The following VWA5B2 variants were observed in gnomAD, a reference collection of about 807,000 sequenced individuals.
VWA5B2 encodes the protein von Willebrand factor A domain-containing protein 5B2.
In VWA5B2, 93 loss-of-function variants were observed where a neutral mutation model predicts 118.5. That is an observed-to-expected ratio of 0.79 (90% CI 0.66 to 0.93). The LOEUF is 0.93. Among genes scored for constraint, VWA5B2 ranks in the 40% least tolerant of loss-of-function variants. VWA5B2 has a pLI of 0.00. For missense variants in VWA5B2, 1,546 were observed against 1,672.8 expected, an observed-to-expected ratio of 0.92 and a Z score of 1.32; for synonymous variants, 708 against 716.3, an observed-to-expected ratio of 0.99 and a Z score of 0.19.
intron 7 of VWA5B2, 102 bp from the exon 8 acceptor site, chr3:184,235,051 G>A: frequency 7.2e-7 from 1 of 1,384,706 alleles, no homozygotes. Context: ...GTCCCCTCTG[G>A]GTGGATCAGA....
At position 184,240,943 on chromosome 3, in the gene VWA5B2, T is replaced by C. The variant is rs1345192943; in HGVS notation, c.2878+15T>C. The C allele has an allele frequency of 1.0e-5, 16 of 1,551,426 alleles. No homozygotes were observed. The highest frequency in any genetic ancestry group is 1.4e-5 in the Non-Finnish European group (16 of 1,146,944). ...GTGCAGCTCAGGTAGGGGCCTCTTC[T>C]GGTGACCTCTCAGGTGCAGCTCTCA... On this transcript the variant is annotated intron_variant, in intron 17 of 19. Transcript: ENST00000691901.
chr3:184,233,450 T>G lies in VWA5B2; in HGVS notation c.530+53T>G, dbSNP rs1407445914. ...CCTCCCTCGGCTTCTCTGGGTCTAG[T>G]GCGGGTGAGGGGGCACTGGCAGGGT... On this transcript the variant is annotated intron_variant, in intron 4 of 19. Coordinates refer to ENST00000691901, the MANE Select transcript of VWA5B2 (RefSeq NM_001390846.1). This position sits in a 1 kb window ranked among gnomAD's most constrained non-coding sequence, Gnocchi z 5.2. The G allele has an allele frequency of 6.7e-7, 1 of 1,500,422 alleles. No homozygotes were observed. The highest frequency in any genetic ancestry group is 2.5e-5 in the East Asian group (1 of 40,500). The allele number at this position is 1,500,422 out of a possible 1,614,324, so 92.9% of individuals were successfully genotyped here.
chr3:184,240,170 A>G (rs1257127051), intron 16 of VWA5B2, 134 bp downstream of exon 16: 1 of 716,328 alleles, frequency 1.4e-6, no homozygotes, highest in Non-Finnish European at 2.2e-6. Context: ...CAGACAAGAT[A>G]AAAAATTAAG....
chr3:184,230,072 C>A (rs1396906619), intron 1 of VWA5B2, among the ~76,000 whole-genome samples: 1 of 152,136 alleles, frequency 6.6e-6, no homozygotes, highest in Admixed American at 6.5e-5. Flanking sequence ...CGGGGGGATT[C>A]GGGCCCTTTA....
In VWA5B2 at chr3:184,241,316, T is replaced by C; in HGVS notation, c.3092T>C (p.Leu1031Pro). The change falls in exon 19 of 20, where the codon CTC becomes CCC. Residue 1031 changes from leucine (L) to proline (P), a missense_variant. Physicochemically the swap from Leu to Pro is moderately conservative, Grantham distance 98. This residue lies in a region of VWA5B2 where 763 missense variants were observed against 766.6 expected (regional missense o/e 1.00). Transcript: ENST00000691901. The surrounding 1 kb of genome is among the most constrained non-coding windows in gnomAD (Gnocchi z 5.1). ...RRPPPRPPCR[L>P]SMGRRHKLCS... ...CCACCTCCCCGTCCTCCCTGTCGGC[T>C]CAGCATGGGCCGCCGTCACAAACTC... 6.4e-7 allele frequency: 1 copy of C among 1,551,274 alleles called. No individual in the cohort carries two copies. The highest frequency in any genetic ancestry group is 8.7e-7 in the Non-Finnish European group (1 of 1,146,980).
In VWA5B2 at chr3:184,239,599, G is replaced by A; in HGVS notation, c.2392+16G>A. 6.7e-7 allele frequency: 1 copy of A among 1,497,632 alleles called. No homozygotes were observed. The highest frequency in any genetic ancestry group is 2.5e-5 in the East Asian group (1 of 39,938). 92.8% of individuals were successfully genotyped at this position (1,497,632 alleles called of 1,614,324 possible). ...GATGACTCAGGTAAGTGTTGGATGG[G>A]GAGCTGGTTTCCCTGACACCAAAGA... On this transcript the variant is annotated intron_variant, in intron 15 of 19. Coordinates refer to ENST00000691901, the MANE Select transcript of VWA5B2 (RefSeq NM_001390846.1). The surrounding 1 kb of genome is among the most constrained non-coding windows in gnomAD (Gnocchi z 5.1).
intron 16 of VWA5B2, among the ~76,000 whole-genome samples, chr3:184,240,261 T>A (rs911378197): frequency 6.6e-6 from 1 of 152,234 alleles, no homozygotes; most frequent in African/African-American, 2.4e-5. Context: ...GGTTATATAC[T>A]CTTGCAAGGA....
At position 184,237,321 on chromosome 3, in the gene VWA5B2, C is replaced by G; in HGVS notation, c.1629C>G (p.Pro543=). Residue 543 remains proline, a synonymous_variant, in exon 12 of 20, where the codon CCC becomes CCG. Coordinates refer to ENST00000691901, the MANE Select transcript of VWA5B2 (RefSeq NM_001390846.1). This position sits in a 1 kb window ranked among gnomAD's most constrained non-coding sequence, Gnocchi z 5.6. ...ACACTGTGGAGGCACTGCTGACCCC[C>G]CGGGAGATCCCAGCACTCTACCCTG... is the stretch of plus-strand genomic sequence containing the variant. ...VPDTVEALLT[P]REIPALYPGD... is the part of the protein sequence containing the mutation. 1.0e-5 allele frequency: 16 copies of G among 1,551,232 alleles called. No individual in the cohort carries two copies. Among genetic ancestry groups the G allele is most frequent in the Non-Finnish European group, 1.4e-5 (16 of 1,146,950 alleles).
intron 16 of VWA5B2, 139 bp downstream of exon 16, chr3:184,240,175 A>G (rs1030056957): frequency 1.5e-6 from 1 of 683,696 alleles, no homozygotes; most frequent in Non-Finnish European, 2.3e-6. Flanking sequence ...AAGATAAAAA[A>G]TTAAGCGGGA....
chr3:184,236,792 T>C, intron 11 of VWA5B2, 43 bp downstream of exon 11: 1 of 1,434,462 alleles, frequency 7.0e-7, no homozygotes, highest in Non-Finnish European at 9.3e-7. Context: ...CTGGAAGTTT[T>C]TCTCCCAAGT....
At chr3:184,240,991 C>A (rs1393789800) in intron 17 of VWA5B2, 33 bp from the exon 18 acceptor site, 3 of 1,551,588 alleles carry the variant, frequency 1.9e-6, no homozygotes, top group Admixed American at 3.9e-5. Context: ...CTCTCCTGGA[C>A]AAACCTGACT....
Position 184,236,490 on chromosome 3 carries a change from C to T in VWA5B2, c.1360C>T (p.Pro454Ser). 1.3e-6 allele frequency: 2 copies of T among 1,547,540 alleles called. No homozygotes were observed. The highest frequency in any genetic ancestry group is 1.7e-6 in the Non-Finnish European group (2 of 1,146,964). ...GCTGTTCCTGCTCACTGCTGCCTCA[C>T]CCATGGCCGCCACTACCCACCGAAC... ...RQLFLLTAAS[P>S]MAATTHRTLE... Residue 454 changes from proline to serine, a missense_variant, in exon 10 of 20, where the codon CCC becomes TCC. Around this residue, in one of 3 missense-constraint regions of VWA5B2, gnomAD observed 775 missense variants for 882.3 expected, o/e 0.88. Coordinates refer to ENST00000691901, the MANE Select transcript of VWA5B2 (RefSeq NM_001390846.1).
Position 184,241,591 on chromosome 3 carries a change from C to G in VWA5B2, c.3282C>G (p.Ala1094=), listed in dbSNP as rs559211353. The part of the protein sequence containing the change: ...QERLCRASPF[A]VHRASLSPTS... The stretch of plus-strand genomic sequence containing the variant: ...GCCTCTGCCGTGCCTCGCCCTTTGC[C>G]GTGCACCGCGCCAGCCTCAGCCCCA... The change falls in exon 20 of 20, where the codon GCC becomes GCG. Residue 1094 remains alanine (A), a synonymous_variant. Coordinates refer to ENST00000691901, the MANE Select transcript of VWA5B2 (RefSeq NM_001390846.1). The surrounding 1 kb of genome is among the most constrained non-coding windows in gnomAD (Gnocchi z 5.1). 5 of 1,545,672 alleles carry G rather than the reference C, an allele frequency of 3.2e-6. No individual in the cohort carries two copies. The highest frequency in any genetic ancestry group is 4.4e-6 in the Non-Finnish European group (5 of 1,146,670).
rs761118031 is a variant in VWA5B2, at chr3:184,233,690, C to T, written c.645C>T (p.Thr215=). The change falls in exon 5 of 20, where the codon ACC becomes ACT. Residue 215 remains threonine (T), a synonymous_variant. Transcript: ENST00000691901. This position sits in a 1 kb window ranked among gnomAD's most constrained non-coding sequence, Gnocchi z 5.2. ...CTGCCCGCTGCCCTGCCCCATATAC[C>T]TTCTCCTTCGAGATGCTGGTGACTG... The part of the protein sequence containing the change: ...SGPARCPAPY[T]FSFEMLVTGP... 4.5e-6 allele frequency: 7 copies of T among 1,551,142 alleles called. No homozygotes were observed. The South Asian group carries it at 8.3e-5, about 18-fold the overall frequency.
chr3:184,233,786 G>T lies in VWA5B2; in HGVS notation c.688+53G>T, dbSNP rs184150406. On this transcript the variant is annotated intron_variant, in intron 5 of 19. Transcript: ENST00000691901. The surrounding 1 kb of genome is among the most constrained non-coding windows in gnomAD (Gnocchi z 5.2). ...TTTTCAGATGCCCACTCCACCCAGT[G>T]TAGTGACTGGAAGGGAAATAAGGCT... 2 of 1,538,434 alleles carry T rather than the reference G, an allele frequency of 1.3e-6. No individual in the cohort carries two copies. The highest frequency in any genetic ancestry group is 2.0e-5 in the Admixed American group (1 of 49,922).
At chr3:184,234,475 T>C in intron 6 of VWA5B2, 78 bp downstream of exon 6, 1 of 1,540,724 alleles carries the variant, frequency 6.5e-7, no homozygotes, top group South Asian at 1.2e-5. Flanking sequence ...TAAGTGCAGG[T>C]TTCTGGGCCC....
Position 184,241,514 on chromosome 3 carries a change from T to C in VWA5B2, c.3205T>C (p.Ser1069Pro), listed in dbSNP as rs1181607611. 7 of 1,550,876 alleles carry C rather than the reference T, an allele frequency of 4.5e-6. No homozygotes were observed. The highest frequency in any genetic ancestry group is 6.1e-6 in the Non-Finnish European group (7 of 1,147,178). ...GGTGCGGCTGCAGGAGGCACCAGGC[T>C]CCTTCCGCCTGGACGCGCCCTTCTG... ...PLVRLQEAPG[S>P]FRLDAPFCAA... is the part of the protein sequence containing the mutation. The change falls in exon 20 of 20, where the codon TCC becomes CCC. Residue 1069 changes from serine to proline, a missense_variant. This residue lies in a region of VWA5B2 where 763 missense variants were observed against 766.6 expected (regional missense o/e 1.00). Transcript: ENST00000691901. This position sits in a 1 kb window ranked among gnomAD's most constrained non-coding sequence, Gnocchi z 5.1.
rs763125059 is a variant in VWA5B2 at position 184,241,765 on chromosome 3, G to C, written c.3456G>C (p.Glu1152Asp). 3 of 1,482,124 alleles carry C rather than the reference G, an allele frequency of 2.0e-6. No homozygotes were observed. The highest frequency in any genetic ancestry group is 2.7e-6 in the Non-Finnish European group (3 of 1,118,966). 91.8% of individuals were successfully genotyped at this position (1,482,124 alleles called of 1,614,324 possible). ...GGGGCTCAGACACCGAGGCCTCCGA[G>C]GGGGCGGAAGGGCTGGGCGGCACCG... is the stretch of plus-strand genomic sequence containing the variant. The part of the protein sequence containing the change: ...SGRGSDTEAS[E>D]GAEGLGGTDL... The change falls in exon 20 of 20, where the codon GAG becomes GAC. Residue 1152 changes from glutamate (E) to aspartate (D), a missense_variant. Coordinates refer to ENST00000691901, the MANE Select transcript of VWA5B2 (RefSeq NM_001390846.1). The surrounding 1 kb of genome is among the most constrained non-coding windows in gnomAD (Gnocchi z 5.1).
At chr3:184,240,631 C>T (rs544478644) in intron 16 of VWA5B2, 160 bp from the exon 17 acceptor site, 1 of 1,003,948 alleles carries the variant, frequency 1.0e-6, no homozygotes, top group South Asian at 1.7e-5. Flanking sequence ...CACTTCTTGT[C>T]AAAGTTGGGG....
Sources: allele counts gnomAD v4.1 joint callset (sites outside exome capture counted in the v4.1 genomes callset), GRCh38; gene constraint gnomAD v4.1.1; regional missense constraint gnomAD v4.1.1; non-coding constraint Gnocchi (gnomAD v3.1); transcripts MANE v1.5; gene names NCBI Gene and HGNC (gene_info 2026-07-23, HGNC 2026-07-21).